The following NTNG1 variants were observed in gnomAD, a reference collection of about 807,000 sequenced individuals.
The protein encoded by NTNG1 is netrin G1, also known as netrin-G1.
NTNG1 carries 16 observed loss-of-function variants against 54.0 expected under a neutral mutation model. That is an observed-to-expected ratio of 0.30 (90% CI 0.20 to 0.45). NTNG1 has a LOEUF of 0.45. NTNG1 is among the 20% of genes least tolerant of loss of function. The pLI is 1.00. For synonymous variants in NTNG1, 255 were observed against 263.1 expected (o/e 0.97, Z 0.30); for missense variants, 530 against 678.7 (o/e 0.78, Z 2.43).
intron 2 of NTNG1, among the ~76,000 whole-genome samples, chr1:107,274,086 A>C (rs1282432632): frequency 6.6e-6 from 1 of 152,198 alleles, no homozygotes; most frequent in Admixed American, 6.5e-5. Context: ...GAGTTTGTAT[A>C]ATAACCCATT....
At chr1:107,319,811 A>T (rs1208717613) in intron 2 of NTNG1, among the ~76,000 whole-genome samples, 1 of 151,806 alleles carries the variant, frequency 6.6e-6, no homozygotes, top group Admixed American at 6.6e-5. Context: ...TTGGAAAGGC[A>T]AAGTCAAAAT....
chr1:107,203,395 A>AT lies in NTNG1; in HGVS notation c.246+54560dup, dbSNP rs202045717. The stretch of plus-strand genomic sequence containing the variant: ...ATTCCAGATTGACAGTTTTCTTTCC[A>AT]TTTTCAGAAGATATTTTCTATTGTT... On this transcript the variant is annotated intron_variant, in intron 2 of 7. Transcript: ENST00000370068. Among the ~76,000 whole-genome samples, 239 of 151,400 alleles carry AT rather than the reference A, an allele frequency of 1.6e-3. 3 individuals carry two copies. The East Asian group carries it at 0.041, about 26-fold the overall frequency.
chr1:107,286,919 T>A (rs1665235109), intron 2 of NTNG1, among the ~76,000 whole-genome samples: 1 of 152,172 alleles, frequency 6.6e-6, no homozygotes, highest in South Asian at 2.1e-4. Flanking sequence ...CAACAAAGAT[T>A]TAGCATATTC....
At position 107,216,631 on chromosome 1, in the gene NTNG1, C is replaced by T. The variant is rs552781890; in HGVS notation, c.246+67792C>T. Among the ~76,000 whole-genome samples the T allele has an allele frequency of 6.0e-5, 9 of 149,284 alleles. No homozygotes were observed. The South Asian group carries it at 1.3e-3, about 21-fold the overall frequency. ...TTCTTATTTGGTTATGTCATTTCCT[C>T]GTTTTGGTATTTGGGTGATACTGAC... On this transcript the variant is annotated intron_variant, in intron 2 of 7. Coordinates refer to ENST00000370068, the MANE Select transcript of NTNG1 (RefSeq NM_001113226.3).
intron 2 of NTNG1, among the ~76,000 whole-genome samples, chr1:107,151,803 C>A (rs1654588787): frequency 6.6e-6 from 1 of 152,038 alleles, no homozygotes; most frequent in Non-Finnish European, 1.5e-5. Context: ...AAAGAAGGAG[C>A]ATATGGATTC....
At chr1:107,394,892 C>T (rs746646482) in intron 3 of NTNG1, among the ~76,000 whole-genome samples, 6 of 152,118 alleles carry the variant, frequency 3.9e-5, no homozygotes, top group Non-Finnish European at 8.8e-5. Context: ...CTTGCGGGAG[C>T]TTCAGGCCCC....
chr1:107,174,030 A>G (rs1656456962), intron 2 of NTNG1, among the ~76,000 whole-genome samples: 1 of 152,132 alleles, frequency 6.6e-6, no homozygotes, highest in African/African-American at 2.4e-5. Flanking sequence ...CAGAAAGATA[A>G]AACAGGATTG....
At chr1:107,288,915 G>T (rs1362005969) in intron 2 of NTNG1, among the ~76,000 whole-genome samples, 1 of 152,074 alleles carries the variant, frequency 6.6e-6, no homozygotes, top group East Asian at 1.9e-4. Flanking sequence ...CATAGATAAA[G>T]GTCAAGATAA....
At chr1:107,233,851 G>C (rs866660482) in intron 2 of NTNG1, among the ~76,000 whole-genome samples, 11 of 152,048 alleles carry the variant, frequency 7.2e-5, no homozygotes, top group African/African-American at 2.7e-4. Flanking sequence ...CATGTAATTA[G>C]AACCACCTTT....
intron 2 of NTNG1, among the ~76,000 whole-genome samples, chr1:107,200,977 G>A (rs1269201710): frequency 2.6e-5 from 4 of 151,606 alleles, no homozygotes; most frequent in Non-Finnish European, 5.9e-5. Flanking sequence ...TACTGTGTTT[G>A]TTTCTGTTTG....
chr1:107,365,805 A>G (rs1557936608), intron 3 of NTNG1, among the ~76,000 whole-genome samples: 1 of 152,206 alleles, frequency 6.6e-6, no homozygotes, highest in East Asian at 1.9e-4. Flanking sequence ...GGGAGGGCAG[A>G]TTTTAAGCAT....
At chr1:107,161,667 AAAAAAAG>A (rs1180585667) in intron 2 of NTNG1, among the ~76,000 whole-genome samples, 1 of 151,870 alleles carries the variant, frequency 6.6e-6, no homozygotes, top group African/African-American at 2.4e-5. Flanking sequence ...TCTCAAAAAA[AAAAAAAG>A]AAAAAAAGAA....
chr1:107,448,551 G>C (rs1049218112), intron 7 of NTNG1, among the ~76,000 whole-genome samples: 3 of 152,076 alleles, frequency 2.0e-5, no homozygotes, highest in Non-Finnish European at 4.4e-5. Flanking sequence ...AAGATCTCCA[G>C]GTGATTCATA....
intron 2 of NTNG1, among the ~76,000 whole-genome samples, chr1:107,174,074 A>G (rs916705840): frequency 3.3e-5 from 5 of 152,180 alleles, no homozygotes; most frequent in African/African-American, 1.2e-4. Context: ...AGTCTTCTAA[A>G]CAAATGGAAA....
chr1:107,453,192 A>AT (rs895972500), intron 7 of NTNG1, among the ~76,000 whole-genome samples: 15 of 152,044 alleles, frequency 9.9e-5, no homozygotes, highest in Admixed American at 2.6e-4. Context: ...TTAGAATTTT[A>AT]TTTTTTTTGT....
rs374949482 is a variant in NTNG1 at position 107,148,844 on chromosome 1, G to A, written c.246+5G>A. The A allele has an allele frequency of 4.1e-5, 66 of 1,611,648 alleles. No individual in the cohort carries two copies. Among genetic ancestry groups the A allele is most frequent in the Non-Finnish European group, 5.2e-5 (61 of 1,178,322 alleles). On this transcript the variant is annotated splice_donor_5th_base_variant and intron_variant, in intron 2 of 7. Coordinates refer to ENST00000370068, the MANE Select transcript of NTNG1 (RefSeq NM_001113226.3). ...CCTGAGACGTTCTGTGCAATGGTGA[G>A]GTAACCCTTTTGCATAAAATATTTC...
chr1:107,300,064 T>G lies in NTNG1; in HGVS notation c.247-24218T>G, dbSNP rs148225296. Among the ~76,000 whole-genome samples the G allele has an allele frequency of 2.3e-3, 348 of 152,316 alleles. 3 individuals are homozygous for G. The highest frequency in any genetic ancestry group is 8.1e-3 in the African/African-American group (338 of 41,586). On this transcript the variant is annotated intron_variant, in intron 2 of 7. Coordinates refer to ENST00000370068, the MANE Select transcript of NTNG1 (RefSeq NM_001113226.3). ...AATTCTATAGAGCACAAGAAACTTGTGGCCATTTCCAGAACTCTTCTATAG... is the reference window on the plus strand; with the variant it reads ...AATTCTATAGAGCACAAGAAACTTGGGGCCATTTCCAGAACTCTTCTATAG...
In NTNG1 at chr1:107,142,768, A is replaced by AT. The variant is rs61137540; in HGVS notation, c.-526+1641dup. 6.6e-3 allele frequency among the ~76,000 whole-genome samples: 912 copies of AT among 138,486 alleles called. 3 individuals are homozygous for AT. Among genetic ancestry groups the AT allele is most frequent in the African/African-American group, 0.013 (430 of 32,482 alleles). 90.9% of individuals were successfully genotyped at this position (138,486 alleles called of 152,430 possible). ...TTGTTGGAAAGTTTTCCAAAAAATAATTTTTTTTTTTTTCAGGGGAGGCTT... is the reference window on the plus strand; with the variant it reads ...TTGTTGGAAAGTTTTCCAAAAAATAATTTTTTTTTTTTTTCAGGGGAGGCTT... On this transcript the variant is annotated intron_variant, in intron 1 of 7. Coordinates refer to ENST00000370068, the MANE Select transcript of NTNG1 (RefSeq NM_001113226.3).
intron 2 of NTNG1, among the ~76,000 whole-genome samples, chr1:107,220,356 A>G (rs1267696712): frequency 1.3e-5 from 2 of 152,186 alleles, no homozygotes; most frequent in African/African-American, 4.8e-5. Flanking sequence ...CTTTCCTGGT[A>G]TGTTCTTGTG....
Sources: allele counts gnomAD v4.1 joint callset (sites outside exome capture counted in the v4.1 genomes callset), GRCh38; gene constraint gnomAD v4.1.1; transcripts MANE v1.5; gene names NCBI Gene and HGNC (gene_info 2026-07-23, HGNC 2026-07-21).